The following GALR1 variants were observed in gnomAD, a reference collection of about 807,000 sequenced individuals.
The protein encoded by GALR1 is galanin receptor 1.
GALR1 carries 11 observed loss-of-function variants against 17.9 expected under a neutral mutation model. The observed-to-expected ratio is 0.62, with a 90% CI of 0.39 to 1.02. GALR1 has a LOEUF of 1.02. Ranked by LOEUF, GALR1 falls within the 50% of genes least tolerant of loss-of-function variation. The pLI is 0.01. For synonymous variants in GALR1, 206 were observed against 205.7 expected (o/e 1.00, Z -0.01); for missense variants, 441 against 456.9 (o/e 0.97, Z 0.32).
rs1913172696 is a variant in GALR1, at chr18:77,277,158, A to G, written c.*8256A>G. 1 of 152,204 alleles carries G rather than the reference A, an allele frequency of 6.6e-6. No individual in the cohort carries two copies. The highest frequency in any genetic ancestry group is 2.4e-5 in the African/African-American group (1 of 41,458). 9.4% of individuals were successfully genotyped at this position (152,204 alleles called of 1,614,324 possible). A position where few individuals can be genotyped will look rare whatever the true frequency, so the allele number is the denominator to read the frequency against. On this transcript the variant is annotated 3_prime_UTR_variant, in exon 3 of 3. Transcript: ENST00000299727. ...CCCTGTACTTAAAGTTTTTAAATTA[A>G]GTATCTTCTGATAACATAAGTAGTA... is the stretch of plus-strand genomic sequence containing the variant.
chr18:77,257,406 C>T (rs1441346654), intron 2 of GALR1, among the ~76,000 whole-genome samples: 3 of 152,134 alleles, frequency 2.0e-5, no homozygotes, highest in African/African-American at 7.2e-5. Flanking sequence ...TCCATTGATC[C>T]TTTCTTACAT....
chr18:77,257,386 A>G (rs1303423297), intron 2 of GALR1, among the ~76,000 whole-genome samples: 2 of 152,224 alleles, frequency 1.3e-5, no homozygotes, highest in African/African-American at 4.8e-5. Context: ...AGACCATGCT[A>G]TGGCTTTATT....
rs1913094060 is a variant in GALR1 at position 77,273,202 on chromosome 18, G to C, written c.*4300G>C. 1 of 152,306 alleles carries C rather than the reference G, an allele frequency of 6.6e-6. No individual in the cohort carries two copies. Among genetic ancestry groups the C allele is most frequent in the African/African-American group, 2.4e-5 (1 of 41,430 alleles). 9.4% of individuals were successfully genotyped at this position (152,306 alleles called of 1,614,324 possible). A position where few individuals can be genotyped will look rare whatever the true frequency, so the allele number is the denominator to read the frequency against. On this transcript the variant is annotated 3_prime_UTR_variant, in exon 3 of 3. Coordinates refer to ENST00000299727, the MANE Select transcript of GALR1 (RefSeq NM_001480.4). The stretch of plus-strand genomic sequence containing the variant: ...AGGCCCTGGCTTTCGTTTCTCTGTG[G>C]TGCCTGGTGCTACTCACAGGGCTGA...
Position 77,275,943 on chromosome 18 carries a change from AGACACTGAGTG to A in GALR1, c.*7042_*7052del, listed in dbSNP as rs1913148715. The A allele has an allele frequency of 2.6e-5, 4 of 152,220 alleles. No homozygotes were observed. Among genetic ancestry groups the A allele is most frequent in the Non-Finnish European group, 2.9e-5 (2 of 68,044 alleles). 9.4% of individuals were successfully genotyped at this position (152,220 alleles called of 1,614,324 possible). On this transcript the variant is annotated 3_prime_UTR_variant, in exon 3 of 3. Transcript: ENST00000299727. ...GGGCCTAGAGGAACTTTTACATGGTAGACACTGAGTGAATACACAGATTCCTAGATTTGAGA... is the reference window on the plus strand; with the variant it reads ...GGGCCTAGAGGAACTTTTACATGGTAAATACACAGATTCCTAGATTTGAGA...
chr18:77,254,237 C>T (rs968664749), intron 1 of GALR1, among the ~76,000 whole-genome samples: 14 of 152,202 alleles, frequency 9.2e-5, no homozygotes, highest in Admixed American at 3.9e-4. Flanking sequence ...CATACCCTAT[C>T]ATGGTACCTA....
intron 2 of GALR1, among the ~76,000 whole-genome samples, chr18:77,261,821 C>A (rs922736415): frequency 5.3e-5 from 8 of 152,074 alleles, no homozygotes; most frequent in Non-Finnish European, 1.5e-5. Flanking sequence ...GTTTCTTGAG[C>A]TCCTTTTAAA....
intron 2 of GALR1, among the ~76,000 whole-genome samples, chr18:77,264,133 CAAAAAAAAAAAAA>C (rs56102250): frequency 7.0e-5 from 4 of 57,270 alleles, no homozygotes; most frequent in Admixed American, 2.4e-4. Context: ...GACTCCATCT[CAAAAAAAAAAAAA>C]AAAAAAAAAA....
chr18:77,271,190 T>TA lies in GALR1; in HGVS notation c.*2289dup, dbSNP rs1225112260. ...TGTGCCTTTGGTCCTTCCCAGATGCTACTGGCACGTCTGAAGCTTGAGGCA... is the reference window on the plus strand; with the variant it reads ...TGTGCCTTTGGTCCTTCCCAGATGCTAACTGGCACGTCTGAAGCTTGAGGCA... On this transcript the variant is annotated 3_prime_UTR_variant, in exon 3 of 3. Transcript: ENST00000299727. 6.6e-6 allele frequency: 1 copy of TA among 150,772 alleles called. No homozygotes were observed. The highest frequency in any genetic ancestry group is 1.5e-5 in the Non-Finnish European group (1 of 67,900). 9.3% of individuals were successfully genotyped at this position (150,772 alleles called of 1,614,324 possible). A position where few individuals can be genotyped will look rare whatever the true frequency, so the allele number is the denominator to read the frequency against.
rs1396140223 is a variant in GALR1 at position 77,276,375 on chromosome 18, G to A, written c.*7473G>A. On this transcript the variant is annotated 3_prime_UTR_variant, in exon 3 of 3. Coordinates refer to ENST00000299727, the MANE Select transcript of GALR1 (RefSeq NM_001480.4). ...TGCATACAAGAAGGATTTGGAAAAT[G>A]TCAGTGAGTTTGAAACTGGCTGTAC... The A allele has an allele frequency of 6.6e-6, 1 of 152,240 alleles. No individual in the cohort carries two copies. Among genetic ancestry groups the A allele is most frequent in the African/African-American group, 2.4e-5 (1 of 41,464 alleles). The allele number at this position is 152,240 out of a possible 1,614,324, so 9.4% of individuals were successfully genotyped here.
rs1309909542 is a variant in GALR1 at position 77,269,110 on chromosome 18, A to T, written c.*208A>T. On this transcript the variant is annotated 3_prime_UTR_variant, in exon 3 of 3. Coordinates refer to ENST00000299727, the MANE Select transcript of GALR1 (RefSeq NM_001480.4). Reference sequence around the variant, plus strand: ...GAGAATTATTTTTCAATTTTATTTTAGTTCTAAATTATGTTTCAGAAACAA... The same window carrying T: ...GAGAATTATTTTTCAATTTTATTTTTGTTCTAAATTATGTTTCAGAAACAA... The T allele has an allele frequency of 3.6e-6, 2 of 555,774 alleles. No individual in the cohort carries two copies. The highest frequency in any genetic ancestry group is 6.3e-6 in the Non-Finnish European group (2 of 317,142). 34.4% of individuals were successfully genotyped at this position (555,774 alleles called of 1,614,324 possible). A position where few individuals can be genotyped will look rare whatever the true frequency, so the allele number is the denominator to read the frequency against.
At chr18:77,259,410 TATGGTGGTGATGATGGTC>T (rs1478783832) in intron 2 of GALR1, among the ~76,000 whole-genome samples, 27 of 67,370 alleles carry the variant, frequency 4.0e-4, no homozygotes, top group African/African-American at 5.7e-4. Flanking sequence ...TCATGGTGGT[TATGGTGGTGATGATGGTC>T]ATGGTGGTGA....
At chr18:77,267,313 C>A (rs1025724720) in intron 2 of GALR1, among the ~76,000 whole-genome samples, 7 of 152,194 alleles carry the variant, frequency 4.6e-5, no homozygotes, top group African/African-American at 1.7e-4. Flanking sequence ...GCTCAGCTGC[C>A]CAGTGCATGG....
Position 77,256,169 on chromosome 18 carries a change from C to T in GALR1, c.678C>T (p.His226=). The T allele has an allele frequency of 6.2e-7, 1 of 1,602,722 alleles. No individual in the cohort carries two copies. The highest frequency in any genetic ancestry group is 8.5e-7 in the Non-Finnish European group (1 of 1,169,794). ...ICFCYAKVLN[H]LHKKLKNMSK... Reference sequence around the variant, plus strand: ...TCTGTGTCTTTCAGGTCCTTAATCACTTGCATAAAAAGTTGAAGAACATGT... The same window carrying T: ...TCTGTGTCTTTCAGGTCCTTAATCATTTGCATAAAAAGTTGAAGAACATGT... The change falls in exon 2 of 3, where the codon CAC becomes CAT. Residue 226 remains histidine, a synonymous_variant. Transcript: ENST00000299727.
chr18:77,253,037 C>CCAT (rs1912506201), intron 1 of GALR1, among the ~76,000 whole-genome samples: 1 of 121,904 alleles, frequency 8.2e-6, no homozygotes, highest in Non-Finnish European at 1.8e-5. Flanking sequence ...ACCACCATCA[C>CCAT]CACCACCACC....
At chr18:77,266,113 C>G (rs1912938523) in intron 2 of GALR1, among the ~76,000 whole-genome samples, 1 of 152,100 alleles carries the variant, frequency 6.6e-6, no homozygotes, top group Non-Finnish European at 1.5e-5. Flanking sequence ...CTTTGCTTCC[C>G]TTATAAACGT....
intron 1 of GALR1, among the ~76,000 whole-genome samples, chr18:77,251,528 C>T (rs1912416024): frequency 6.6e-6 from 1 of 152,242 alleles, no homozygotes. Context: ...CCTTCAACGC[C>T]CCCAGGTTGC....
At position 77,250,576 on chromosome 18, in the gene GALR1, G is replaced by C. The variant is rs1394117032; in HGVS notation, c.28G>C (p.Glu10Gln). 1.3e-6 allele frequency: 2 copies of C among 1,539,964 alleles called. No homozygotes were observed. The highest frequency in any genetic ancestry group is 2.4e-5 in the South Asian group (2 of 84,408). MELAVGNLS[E>Q]GNASWPEPPA... The stretch of plus-strand genomic sequence containing the variant: ...GGAGCTGGCGGTCGGGAACCTCAGC[G>C]AGGGCAACGCGAGCTGGCCGGAGCC... The change falls in exon 1 of 3, where the codon GAG (glutamate) becomes CAG (glutamine). Residue 10 changes from glutamate to glutamine, a missense_variant. Coordinates refer to ENST00000299727, the MANE Select transcript of GALR1 (RefSeq NM_001480.4).
intron 2 of GALR1, among the ~76,000 whole-genome samples, chr18:77,256,439 G>A (rs1401235043): frequency 6.6e-6 from 1 of 152,044 alleles, no homozygotes. Flanking sequence ...TTCAAACTTA[G>A]CTGAAGATCT....
chr18:77,263,074 T>G (rs1016188757), intron 2 of GALR1, among the ~76,000 whole-genome samples: 4 of 152,176 alleles, frequency 2.6e-5, no homozygotes, highest in African/African-American at 9.7e-5. Context: ...TAAAATTGTC[T>G]AAAAGAAACA....
Sources: gnomAD v4.1 joint callset for allele counts (sites outside exome capture counted in the v4.1 genomes callset) on GRCh38, gnomAD v4.1.1 for gene constraint, MANE v1.5 for transcripts, NCBI Gene and HGNC (gene_info 2026-07-23, HGNC 2026-07-21) for gene names.